The following EMC1 variants were observed in gnomAD, a reference collection of about 807,000 sequenced individuals.
EMC1 encodes the protein KIAA0090.
EMC1 carries 103 observed loss-of-function variants against 128.8 expected under a neutral mutation model. That is an observed-to-expected ratio of 0.80 (90% CI 0.68 to 0.94). EMC1 has a LOEUF of 0.94. EMC1 is among the 40% of genes least tolerant of loss of function. The pLI is 0.00. For synonymous variants in EMC1, 442 were observed against 490.4 expected (o/e 0.90, Z 1.30); for missense variants, 1,083 against 1,250.6 (o/e 0.87, Z 2.02).
chr1:19,222,542 C>T, intron 20 of EMC1, 82 bp downstream of exon 20: 7 of 1,243,844 alleles, frequency 5.6e-6, no homozygotes, highest in Non-Finnish European at 7.0e-6. Flanking sequence ...CAAGGCTCTG[C>T]CAGCAATGTG....
chr1:19,236,970 A>G (rs920984607), intron 12 of EMC1, among the ~76,000 whole-genome samples, 172 bp downstream of exon 12: 24 of 111,872 alleles, frequency 2.1e-4, no homozygotes, highest in Non-Finnish European at 2.0e-4. Context: ...TCTATCTCAA[A>G]AAAAAAAAAA....
chr1:19,216,723 CT>C lies in EMC1; in HGVS notation c.*2579del, dbSNP rs751589363. The C allele has an allele frequency of 6.6e-6, 1 of 152,268 alleles. No individual in the cohort carries two copies. The highest frequency in any genetic ancestry group is 1.5e-5 in the Non-Finnish European group (1 of 68,066). The allele number at this position is 152,268 out of a possible 1,614,324, so 9.4% of individuals were successfully genotyped here. A position where few individuals can be genotyped will look rare whatever the true frequency, so the allele number is the denominator to read the frequency against. The stretch of plus-strand genomic sequence containing the variant: ...TTTTTGTTTTTGAGCCAGGGTCTCA[CT>C]CTGTTGCCCAGGCTGGAATGCAGTA... On this transcript the variant is annotated 3_prime_UTR_variant, in exon 23 of 23. Coordinates refer to ENST00000477853, the MANE Select transcript of EMC1 (RefSeq NM_015047.3).
intron 17 of EMC1, among the ~76,000 whole-genome samples, chr1:19,229,637 T>C (rs1461312196): frequency 1.3e-5 from 2 of 152,154 alleles, no homozygotes; most frequent in African/African-American, 4.8e-5. Flanking sequence ...TTCACAAGGG[T>C]AAAGGATGTG....
Position 19,245,034 on chromosome 1 carries a change from A to C in EMC1, c.96-4T>G. The C allele has an allele frequency of 6.2e-7, 1 of 1,613,684 alleles. No individual in the cohort carries two copies. Among genetic ancestry groups the C allele is most frequent in the Non-Finnish European group, 8.5e-7 (1 of 1,179,676 alleles). ...CTTCCCAACATATTGCTGTCTCCTG[A>C]GAAAAAAAGAGTACAGGGGACCATA... On this transcript the variant is annotated splice_polypyrimidine_tract_variant and splice_region_variant and intron_variant, in intron 1 of 22. Transcript: ENST00000477853.
intron 2 of EMC1, 71 bp downstream of exon 2, chr1:19,244,822 TTCAGGAATCAGCC>T (rs770761697): frequency 1.8e-5 from 28 of 1,533,592 alleles, no homozygotes; most frequent in Non-Finnish European, 2.4e-5. Flanking sequence ...ATGTTCCTTA[TTCAGGAATCAGCC>T]AGGCAGAGTT....
At chr1:19,246,367 G>A (rs1279231727) in intron 1 of EMC1, among the ~76,000 whole-genome samples, 5 of 152,178 alleles carry the variant, frequency 3.3e-5, no homozygotes, top group Non-Finnish European at 4.4e-5. Context: ...TCCATCCTGG[G>A]CGACAGAGTG....
chr1:19,227,713 A>C (rs2093486943), intron 17 of EMC1, among the ~76,000 whole-genome samples: 1 of 152,244 alleles, frequency 6.6e-6, no homozygotes. Flanking sequence ...CTAAACATAC[A>C]AAAAATTAGC....
intron 20 of EMC1, chr1:19,221,153 C>G: frequency 4.6e-6 from 1 of 215,416 alleles, no homozygotes; most frequent in Non-Finnish European, 9.4e-6. Flanking sequence ...ATGCCTCTCC[C>G]CGGGGCCTCC....
At position 19,233,123 on chromosome 1, in the gene EMC1, C is replaced by T; in HGVS notation, c.1445G>A (p.Gly482Glu). 1 of 1,613,910 alleles carries T rather than the reference C, an allele frequency of 6.2e-7. No individual in the cohort carries two copies. The highest frequency in any genetic ancestry group is 1.1e-5 in the South Asian group (1 of 91,054). ...AGACGAGAGGCGTTTCAGGAACATC[C>T]CCAGCAAGCCATCTGGTGTAAAGGA... ...EFGKKADGLLGMFLKRLSSQL... is the reference protein window; with the variant it reads ...EFGKKADGLLEMFLKRLSSQL... Residue 482 changes from glycine (G) to glutamate (E), a missense_variant, in exon 14 of 23, where the codon GGG becomes GAG. Gly to Glu is a moderately conservative substitution (Grantham distance 98). Around this residue, in one of 3 missense-constraint regions of EMC1, gnomAD observed 12 missense variants for 34.2 expected, o/e 0.35. Transcript: ENST00000477853.
At chr1:19,234,055 A>AAC (rs139880093) in intron 13 of EMC1, 5,336 of 275,884 alleles carry the variant, frequency 0.019, 54 homozygotes, top group South Asian at 0.049. Flanking sequence ...CATGGCAGTC[A>AAC]ACACACACAC....
chr1:19,228,913 A>G (rs2151945584), intron 17 of EMC1, among the ~76,000 whole-genome samples: 1 of 152,248 alleles, frequency 6.6e-6, no homozygotes, highest in South Asian at 2.1e-4. Flanking sequence ...TTAGCCAGGC[A>G]TGGTGGCGTG....
At chr1:19,249,751 C>T (rs1027410720) in intron 1 of EMC1, among the ~76,000 whole-genome samples, 2 of 151,724 alleles carry the variant, frequency 1.3e-5, no homozygotes, top group African/African-American at 4.8e-5. Flanking sequence ...ATGGCAAAAC[C>T]CCGTCTCTAC....
intron 5 of EMC1, 99 bp from the exon 6 acceptor site, chr1:19,241,241 A>G: frequency 7.2e-7 from 1 of 1,393,164 alleles, no homozygotes; most frequent in East Asian, 2.3e-5. Context: ...CAAACTAGTA[A>G]TTCCCAAATA....
chr1:19,243,354 T>C (rs748303523), intron 4 of EMC1, among the ~76,000 whole-genome samples: 1 of 152,216 alleles, frequency 6.6e-6, no homozygotes, highest in East Asian at 1.9e-4. Context: ...TCTGGAACAT[T>C]GCAAAACTCA....
intron 15 of EMC1, among the ~76,000 whole-genome samples, chr1:19,231,988 G>GTGTGTGACC (rs1558100656): frequency 5.3e-5 from 8 of 152,152 alleles, no homozygotes; most frequent in Non-Finnish European, 1.0e-4. Flanking sequence ...CTGGCCGGGC[G>GTGTGTGACC]TGGTGGCTCA....
At chr1:19,222,911 C>T in intron 19 of EMC1, 77 bp from the exon 20 acceptor site, 2 of 1,082,132 alleles carry the variant, frequency 1.8e-6, no homozygotes, top group Admixed American at 5.1e-5. Context: ...GGAAGGCACC[C>T]CTCTAATTAG....
At chr1:19,240,704 A>C in intron 6 of EMC1, 1 of 575,186 alleles carries the variant, frequency 1.7e-6, no homozygotes, top group Non-Finnish European at 3.1e-6. Flanking sequence ...AATACCTGGC[A>C]CTTCAGAATC....
At position 19,235,237 on chromosome 1, in the gene EMC1, A is replaced by G. The variant is rs1294219029; in HGVS notation, c.1325T>C (p.Leu442Pro). ...TGCCAGGGACTCCTCACGGCTCCAC[A>G]GCACCACCTTCCCTGCTACAGGAAA... ...FLQQLAGKVV[L>P]WSREESLAEV... Residue 442 changes from leucine (L) to proline (P), a missense_variant, in exon 13 of 23, where the codon CTG (leucine) becomes CCG (proline). Physicochemically the swap from Leu to Pro is moderately conservative, Grantham distance 98. Around this residue, in one of 3 missense-constraint regions of EMC1, gnomAD observed 544 missense variants for 572.4 expected, o/e 0.95. Coordinates refer to ENST00000477853, the MANE Select transcript of EMC1 (RefSeq NM_015047.3). 1 of 1,612,908 alleles carries G rather than the reference A, an allele frequency of 6.2e-7. No homozygotes were observed. The highest frequency in any genetic ancestry group is 8.5e-7 in the Non-Finnish European group (1 of 1,179,390).
At chr1:19,241,913 T>A (rs1170467693) in intron 5 of EMC1, among the ~76,000 whole-genome samples, 2 of 152,188 alleles carry the variant, frequency 1.3e-5, no homozygotes, top group African/African-American at 4.8e-5. Flanking sequence ...CCAATTTCGA[T>A]GCTTTCTACC....
Sources: gnomAD v4.1 joint callset for allele counts (sites outside exome capture counted in the v4.1 genomes callset) on GRCh38, gnomAD v4.1.1 for gene constraint, gnomAD v4.1.1 regional missense constraint, MANE v1.5 for transcripts, NCBI Gene and HGNC (gene_info 2026-07-23, HGNC 2026-07-21) for gene names.